LIMS2: variants seen among roughly 807,000 people sequenced by gnomAD.
LIMS2 encodes the protein LIM zinc finger domain containing 2.
LIMS2 carries 30 observed loss-of-function variants against 45.3 expected under a neutral mutation model. The ratio of observed to expected loss-of-function variants is 0.66; its 90% CI spans 0.50 to 0.90. The LOEUF is 0.90. Among genes scored for constraint, LIMS2 ranks in the 40% least tolerant of loss-of-function variants. The pLI, the probability that LIMS2 is intolerant of heterozygous loss-of-function variation, is 0.00. For synonymous variants in LIMS2, 173 were observed against 188.0 expected (o/e 0.92, Z 0.65); for missense variants, 485 against 468.7 (o/e 1.03, Z -0.32).
intron 1 of LIMS2, among the ~76,000 whole-genome samples, chr2:127,662,933 T>G (rs1286001262): frequency 6.6e-6 from 1 of 152,206 alleles, no homozygotes; most frequent in Non-Finnish European, 1.5e-5. Flanking sequence ...TTGCCATATC[T>G]CTTTGCTCTA....
At chr2:127,649,823 C>T (rs544637562) in intron 4 of LIMS2, 2 of 594,672 alleles carry the variant, frequency 3.4e-6, no homozygotes, top group South Asian at 4.1e-5. Context: ...CTCCAGGCCT[C>T]TCTGGGGCTG....
At chr2:127,650,112 A>G (rs1683574803) in intron 4 of LIMS2, 4 of 1,565,530 alleles carry the variant, frequency 2.6e-6, no homozygotes, top group Non-Finnish European at 3.5e-6. Flanking sequence ...GTCCCAGGGT[A>G]CAGCCCTTGC....
At chr2:127,656,896 C>T (rs1684295197) in intron 2 of LIMS2, among the ~76,000 whole-genome samples, 1 of 152,192 alleles carries the variant, frequency 6.6e-6, no homozygotes, top group Non-Finnish European at 1.5e-5. Context: ...TTCCATCACA[C>T]CAGTCTTCCT....
Position 127,642,112 on chromosome 2 carries a change from C to T in LIMS2, c.597G>A (p.Gly199=). ...CHDKMGVPIC[G]ACRRPIEGRV... Reference sequence around the variant, plus strand: ...GGCCCTCGATGGGCCGGCGGCAGGCCCCGCAGATGGGGACGCCCATCTTGT... The same window carrying T: ...GGCCCTCGATGGGCCGGCGGCAGGCTCCGCAGATGGGGACGCCCATCTTGT... Residue 199 remains glycine (G), a synonymous_variant, in exon 6 of 10, where the codon GGG becomes GGA. Coordinates refer to ENST00000355119, the MANE Select transcript of LIMS2 (RefSeq NM_001161403.3). This position sits in a 1 kb window ranked among gnomAD's most constrained non-coding sequence, Gnocchi z 5.3. The T allele has an allele frequency of 1.2e-6, 2 of 1,608,560 alleles. No individual in the cohort carries two copies. Among genetic ancestry groups the T allele is most frequent in the Non-Finnish European group, 1.7e-6 (2 of 1,177,502 alleles).
At chr2:127,678,880 A>G (rs548170188), upstream of LIMS2, among the ~76,000 whole-genome samples, 2 of 152,278 alleles carry the variant, frequency 1.3e-5, no homozygotes, top group East Asian at 3.9e-4. This position sits in a 1 kb window ranked among gnomAD's most constrained non-coding sequence, Gnocchi z 5.3. Flanking sequence ...AGAGAGGTCC[A>G]TTCTCCAGCG....
At chr2:127,669,786 C>G (rs1685197635) in intron 1 of LIMS2, among the ~76,000 whole-genome samples, 2 of 151,986 alleles carry the variant, frequency 1.3e-5, no homozygotes, top group Admixed American at 6.6e-5. Flanking sequence ...GGAACTCTTA[C>G]AATTCAACAA....
rs750452766 is a variant in LIMS2, at chr2:127,640,089, T to A, written c.859A>T (p.Asn287Tyr). 1.2e-6 allele frequency: 2 copies of A among 1,613,524 alleles called. No individual in the cohort carries two copies. Among genetic ancestry groups the A allele is most frequent in the South Asian group, 2.2e-5 (2 of 91,084 alleles). The change falls in exon 9 of 10, where the codon AAC (asparagine) becomes TAC (tyrosine). Residue 287 changes from asparagine to tyrosine, a missense_variant. Asn to Tyr is a moderately radical substitution (Grantham distance 143). Transcript: ENST00000355119. ...ACTCACTTCAGGGTGAGCTTGCTGTTGCAGGTGGAGCAGGAGAAGCAGCTC... is the reference window on the plus strand; with the variant it reads ...ACTCACTTCAGGGTGAGCTTGCTGTAGCAGGTGGAGCAGGAGAAGCAGCTC... ...CVSCFSCSTC[N>Y]SKLTLKNKFV...
chr2:127,668,113 A>G (rs984132990), intron 1 of LIMS2, among the ~76,000 whole-genome samples: 5 of 152,234 alleles, frequency 3.3e-5, no homozygotes, highest in Admixed American at 2.0e-4. Flanking sequence ...AAGTTTAACA[A>G]AATAAATGCA....
chr2:127,674,798 C>T, intron 1 of LIMS2: 15 of 985,408 alleles, frequency 1.5e-5, no homozygotes, highest in Non-Finnish European at 1.8e-5. Context: ...AGGAGCTCCA[C>T]CTTCCGCTGC....
rs1028317962 is a variant in LIMS2 at position 127,638,457 on chromosome 2, G to A, written c.*824C>T. On this transcript the variant is annotated 3_prime_UTR_variant, in exon 10 of 10. Transcript: ENST00000355119. ...GAACAAGCCTTCATTGTGCAAGCGT[G>A]AGCCCAACAAACAAACACCAGGTCT... 7.4e-6 allele frequency: 1 copy of A among 134,356 alleles called. No individual in the cohort carries two copies. Among genetic ancestry groups the A allele is most frequent in the Non-Finnish European group, 1.7e-5 (1 of 58,274 alleles). The allele number at this position is 134,356 out of a possible 1,614,324, so 8.3% of individuals were successfully genotyped here.
At position 127,640,983 on chromosome 2, in the gene LIMS2, A is replaced by C. The variant is rs773297178; in HGVS notation, c.666T>G (p.Phe222Leu). The change falls in exon 7 of 10, where the codon TTT becomes TTG. Residue 222 changes from phenylalanine to leucine, a missense_variant. By Grantham distance (22) the Phe-to-Leu change is conservative (BLOSUM62 0). Transcript: ENST00000355119. Reference protein sequence around the residue: ...ALGKQWHVEHFVCAKCEKPFL... With the variant: ...ALGKQWHVEHLVCAKCEKPFL... ...ATGGCTTCTCACACTTGGCACAGAC[A>C]AAGTGCTGCAAGGACAAAGGGCGGG... 21 of 1,613,406 alleles carry C rather than the reference A, an allele frequency of 1.3e-5. No homozygotes were observed. The Admixed American group carries it at 3.3e-4, about 26-fold the overall frequency.
chr2:127,658,420 A>G (rs1180612001), intron 1 of LIMS2, among the ~76,000 whole-genome samples: 1 of 152,166 alleles, frequency 6.6e-6, no homozygotes, highest in Non-Finnish European at 1.5e-5. Context: ...AAGAGTATGA[A>G]TCTTTGAGAC....
chr2:127,640,204 C>A, intron 8 of LIMS2, 59 bp from the exon 9 acceptor site: 4 of 1,612,488 alleles, frequency 2.5e-6, no homozygotes, highest in Non-Finnish European at 3.4e-6. Flanking sequence ...CCCGGCTGGG[C>A]TCACAGCTGC....
intron 4 of LIMS2, among the ~76,000 whole-genome samples, chr2:127,654,174 G>A (rs1186852917): frequency 6.6e-6 from 1 of 152,130 alleles, no homozygotes; most frequent in Non-Finnish European, 1.5e-5. Flanking sequence ...GGCCAGGGGG[G>A]TGGCAGAGTG....
intron 1 of LIMS2, chr2:127,673,752 C>T: frequency 6.4e-7 from 1 of 1,551,162 alleles, no homozygotes; most frequent in Non-Finnish European, 8.7e-7. Context: ...TCCTAGAAAA[C>T]AGGAGAGTGA....
rs1310399496 is a variant in LIMS2 at position 127,664,348 on chromosome 2, T to G, written c.12-6786A>C. On this transcript the variant is annotated intron_variant, in intron 1 of 9. Transcript: ENST00000355119. The surrounding 1 kb of genome is among the most constrained non-coding windows in gnomAD (Gnocchi z 5.5). ...GCTCTGCCGGTGCTGGCGCCGCCGG[T>G]ACAGCCCCGACGCGGCCAGCGCACC... The G allele has an allele frequency of 2.2e-5, 27 of 1,224,960 alleles. No individual in the cohort carries two copies. Among genetic ancestry groups the G allele is most frequent in the Non-Finnish European group, 2.5e-5 (25 of 984,150 alleles). 75.9% of individuals were successfully genotyped at this position (1,224,960 alleles called of 1,614,324 possible). A position where few individuals can be genotyped will look rare whatever the true frequency, so the allele number is the denominator to read the frequency against.
Position 127,642,264 on chromosome 2 carries a change from C to T in LIMS2, c.510-65G>A. 7.0e-7 allele frequency: 1 copy of T among 1,425,542 alleles called. No individual in the cohort carries two copies. 88.3% of individuals were successfully genotyped at this position (1,425,542 alleles called of 1,614,324 possible). A position where few individuals can be genotyped will look rare whatever the true frequency, so the allele number is the denominator to read the frequency against. ...CTTCTGCAGGGTCATGCCAGCAGCGCCTCCACCCCAGGGCACGGCTCCCCG... is the reference window on the plus strand; with the variant it reads ...CTTCTGCAGGGTCATGCCAGCAGCGTCTCCACCCCAGGGCACGGCTCCCCG... On this transcript the variant is annotated intron_variant, in intron 5 of 9. Coordinates refer to ENST00000355119, the MANE Select transcript of LIMS2 (RefSeq NM_001161403.3). The surrounding 1 kb of genome is among the most constrained non-coding windows in gnomAD (Gnocchi z 5.3).
intron 4 of LIMS2, 55 bp downstream of exon 4, chr2:127,654,369 G>T: frequency 6.2e-7 from 1 of 1,611,162 alleles, no homozygotes; most frequent in Non-Finnish European, 8.5e-7. Context: ...GAGGTGGCAG[G>T]TGTGCCAGGA....
rs754653698 is a variant in LIMS2, at chr2:127,643,083, C to T, written c.360-11G>A. On this transcript the variant is annotated splice_polypyrimidine_tract_variant and intron_variant, in intron 4 of 9. Coordinates refer to ENST00000355119, the MANE Select transcript of LIMS2 (RefSeq NM_001161403.3). ...GGCCGGCAGAGATGCCTGCGGGAGG[C>T]GGGGGCATTAGGGGCAGAGCCCCCA... 5 of 1,563,362 alleles carry T rather than the reference C, an allele frequency of 3.2e-6. No homozygotes were observed. The highest frequency in any genetic ancestry group is 2.4e-5 in the East Asian group (1 of 42,406).
Sources: allele counts gnomAD v4.1 joint callset (sites outside exome capture counted in the v4.1 genomes callset), GRCh38; gene constraint gnomAD v4.1.1; non-coding constraint Gnocchi (gnomAD v3.1); transcripts MANE v1.5; gene names NCBI Gene and HGNC (gene_info 2026-07-23, HGNC 2026-07-21).